Variants in HS3ST4 observed in about 807,000 individuals in gnomAD.
HS3ST4 encodes heparan sulfate glucosamine 3-O-sulfotransferase 4.
A neutral mutation model predicts 29.2 loss-of-function variants in HS3ST4; 17 were observed. That is an observed-to-expected ratio of 0.58 (90% confidence interval 0.40 to 0.87). The LOEUF (loss-of-function observed/expected upper bound fraction) is 0.87, where lower values mean the gene tolerates loss of function less well. Ranked by LOEUF, HS3ST4 falls within the 40% of genes least tolerant of loss-of-function variation. HS3ST4 has a pLI of 0.00. For missense variants in HS3ST4, 627 were observed against 634.5 expected, an observed-to-expected ratio of 0.99 and a Z score of 0.13; for synonymous variants, 314 against 285.7, an observed-to-expected ratio of 1.10 and a Z score of -1.00.
chr16:25,699,582 T>C (rs1200115504), intron 1 of HS3ST4, among the ~76,000 whole-genome samples: 3 of 152,252 alleles, frequency 2.0e-5, no homozygotes, highest in Non-Finnish European at 2.9e-5. Context: ...ACTAGTTTTA[T>C]TGGACAACAG....
chr16:25,859,269 G>T (rs1014538660), intron 1 of HS3ST4, among the ~76,000 whole-genome samples: 1 of 152,058 alleles, frequency 6.6e-6, no homozygotes, highest in Admixed American at 6.5e-5. Context: ...AGCAGCAAAC[G>T]GAAATTAAAT....
At chr16:25,748,065 A>G (rs180687950) in intron 1 of HS3ST4, among the ~76,000 whole-genome samples, 7 of 152,030 alleles carry the variant, frequency 4.6e-5, no homozygotes, top group Non-Finnish European at 1.0e-4. Flanking sequence ...CTTTCTCACT[A>G]ATTTTATTTA....
At chr16:25,849,050 T>C (rs1377675049) in intron 1 of HS3ST4, among the ~76,000 whole-genome samples, 1 of 152,188 alleles carries the variant, frequency 6.6e-6, no homozygotes, top group East Asian at 1.9e-4. Flanking sequence ...GTTTTAAATT[T>C]CCAAATAGAT....
intron 1 of HS3ST4, among the ~76,000 whole-genome samples, chr16:26,094,670 G>T (rs575712726): frequency 6.6e-6 from 1 of 152,308 alleles, no homozygotes; most frequent in African/African-American, 2.4e-5. Flanking sequence ...ATGCTAAATT[G>T]TAAAGACCAT....
chr16:25,738,069 T>C (rs541932904), intron 1 of HS3ST4, among the ~76,000 whole-genome samples: 1 of 152,062 alleles, frequency 6.6e-6, no homozygotes, highest in Non-Finnish European at 1.5e-5. Flanking sequence ...CACGCCCAGC[T>C]AGTATTTTGT....
At chr16:25,871,412 G>A (rs974237360) in intron 1 of HS3ST4, among the ~76,000 whole-genome samples, 1 of 152,094 alleles carries the variant, frequency 6.6e-6, no homozygotes, top group African/African-American at 2.4e-5. Context: ...ATCAGAGAAG[G>A]CAAATCAACA....
chr16:26,009,655 C>T (rs369403913), intron 1 of HS3ST4, among the ~76,000 whole-genome samples: 15 of 152,282 alleles, frequency 9.9e-5, no homozygotes, highest in South Asian at 4.1e-4. Context: ...TGTGGTCAAG[C>T]GAAGGAAAAC....
At chr16:25,736,772 A>G (rs953291579) in intron 1 of HS3ST4, among the ~76,000 whole-genome samples, 11 of 152,236 alleles carry the variant, frequency 7.2e-5, no homozygotes, top group African/African-American at 2.6e-4. Flanking sequence ...GTTCCATCAA[A>G]TCTCTTGCAG....
chr16:26,093,660 C>A (rs1333970014), intron 1 of HS3ST4, among the ~76,000 whole-genome samples: 1 of 152,216 alleles, frequency 6.6e-6, no homozygotes, highest in Non-Finnish European at 1.5e-5. Context: ...TTGGGAGAAA[C>A]CACAGCAGAA....
intron 1 of HS3ST4, among the ~76,000 whole-genome samples, chr16:26,072,669 G>C (rs1435990112): frequency 1.3e-5 from 2 of 151,996 alleles, no homozygotes; most frequent in Admixed American, 6.6e-5. Flanking sequence ...TTATTTTGTG[G>C]TTATCACACT....
At chr16:25,709,858 A>G (rs1966404300) in intron 1 of HS3ST4, among the ~76,000 whole-genome samples, 1 of 152,120 alleles carries the variant, frequency 6.6e-6, no homozygotes. Context: ...TCCCTTCCTT[A>G]GCAACCCCTA....
intron 1 of HS3ST4, among the ~76,000 whole-genome samples, chr16:26,018,760 A>G (rs1364670500): frequency 6.6e-6 from 1 of 152,086 alleles, no homozygotes; most frequent in Non-Finnish European, 1.5e-5. Flanking sequence ...TATTTTAAAA[A>G]TTGGGAAACC....
intron 1 of HS3ST4, among the ~76,000 whole-genome samples, chr16:25,737,443 A>G (rs1966617281): frequency 6.6e-6 from 1 of 152,226 alleles, no homozygotes; most frequent in African/African-American, 2.4e-5. Flanking sequence ...TTTTACAGCA[A>G]TGTGAGTAAA....
At chr16:26,002,940 C>CT (rs1567291420) in intron 1 of HS3ST4, among the ~76,000 whole-genome samples, 2 of 136,938 alleles carry the variant, frequency 1.5e-5, no homozygotes, top group Non-Finnish European at 3.1e-5. Context: ...TGCATTCTTA[C>CT]ATTTTTTTTT....
chr16:25,968,024 G>C (rs1488062189), intron 1 of HS3ST4, among the ~76,000 whole-genome samples: 1 of 152,182 alleles, frequency 6.6e-6, no homozygotes, highest in East Asian at 1.9e-4. Context: ...GGTTGTCATG[G>C]GGGAGAGGGA....
chr16:25,830,214 A>T (rs1225349962), intron 1 of HS3ST4, among the ~76,000 whole-genome samples: 1 of 152,234 alleles, frequency 6.6e-6, no homozygotes, highest in Non-Finnish European at 1.5e-5. Flanking sequence ...GGAAGATAGT[A>T]GACAATAAAA....
intron 1 of HS3ST4, among the ~76,000 whole-genome samples, chr16:25,939,738 G>A (rs941146386): frequency 6.6e-6 from 1 of 152,144 alleles, no homozygotes; most frequent in African/African-American, 2.4e-5. Flanking sequence ...GCGCTGGGAG[G>A]GGAGCATTCT....
At chr16:25,842,998 A>G (rs2141645635) in intron 1 of HS3ST4, among the ~76,000 whole-genome samples, 1 of 152,336 alleles carries the variant, frequency 6.6e-6, no homozygotes, top group African/African-American at 2.4e-5. Flanking sequence ...GTTTGGGCAA[A>G]AAGCACGGAG....
intron 1 of HS3ST4, among the ~76,000 whole-genome samples, chr16:25,914,286 T>C (rs1283294331): frequency 6.7e-6 from 1 of 148,888 alleles, no homozygotes; most frequent in Non-Finnish European, 1.5e-5. Flanking sequence ...GTGGGTAGGG[T>C]GTGCACGTAT....
Sources: allele counts gnomAD v4.1 joint callset (sites outside exome capture counted in the v4.1 genomes callset), GRCh38; gene constraint gnomAD v4.1.1; transcripts MANE v1.5; gene names NCBI Gene and HGNC (gene_info 2026-07-23, HGNC 2026-07-21).